Variants in HR observed in about 807,000 individuals in gnomAD.
HR encodes HR lysine demethylase and nuclear receptor corepressor.
HR carries 83 observed loss-of-function variants against 128.6 expected under a neutral mutation model. The ratio of observed to expected loss-of-function variants is 0.65; its 90% CI spans 0.54 to 0.77. The LOEUF is 0.77. Ranked by LOEUF, HR falls within the 30% of genes least tolerant of loss-of-function variation. HR has a pLI of 0.00. For missense variants in HR, 1,490 were observed against 1,574.6 expected (o/e 0.95, Z 0.91); for synonymous variants, 681 against 658.2 (o/e 1.03, Z -0.53).
At position 22,128,865 on chromosome 8, in the gene HR, G is replaced by A; in HGVS notation, c.306C>T (p.Ala102=). Residue 102 remains alanine (A), a synonymous_variant, in exon 2 of 19, where the codon GCC becomes GCT. Transcript: ENST00000381418. ...GSKEGLRWKE[A]MLTHPLAFCG... is the part of the protein sequence containing the mutation. Reference sequence around the variant, plus strand: ...AGAATGCCAGCGGATGGGTAAGCATGGCCTCCTTCCAGCGCAGTCCCTCTT... The same window carrying A: ...AGAATGCCAGCGGATGGGTAAGCATAGCCTCCTTCCAGCGCAGTCCCTCTT... 6.2e-7 allele frequency: 1 copy of A among 1,613,412 alleles called. No homozygotes were observed. The highest frequency in any genetic ancestry group is 8.5e-7 in the Non-Finnish European group (1 of 1,180,026).
chr8:22,125,000 G>T (rs1826847673), intron 5 of HR, among the ~76,000 whole-genome samples: 1 of 152,192 alleles, frequency 6.6e-6, no homozygotes, highest in Non-Finnish European at 1.5e-5. Context: ...AGCCAGAGGG[G>T]ACCTTAGCCC....
In HR at chr8:22,125,380, C is replaced by G; in HGVS notation, c.1681G>C (p.Gly561Arg). ...AGGCGGCACAGTCGGTCCCCCAAAC[C>G]ACTGAGCAGGTGCTTGGCGAGGCCT... is the stretch of plus-strand genomic sequence containing the variant. The part of the protein sequence containing the change: ...STGLAKHLLS[G>R]LGDRLCRLLR... Residue 561 changes from glycine to arginine, a missense_variant, in exon 5 of 19, where the codon GGT becomes CGT. Gly to Arg is a moderately radical substitution (Grantham distance 125). Transcript: ENST00000381418. 1 of 1,610,006 alleles carries G rather than the reference C, an allele frequency of 6.2e-7. No homozygotes were observed. Among genetic ancestry groups the G allele is most frequent in the Non-Finnish European group, 8.5e-7 (1 of 1,178,818 alleles).
chr8:22,122,179 A>G (rs1022544129), intron 8 of HR, among the ~76,000 whole-genome samples: 5 of 152,222 alleles, frequency 3.3e-5, no homozygotes, highest in Admixed American at 2.6e-4. Flanking sequence ...CTCCACCTGA[A>G]GGAACCATGG....
In HR at chr8:22,115,663, C is replaced by T. The variant is rs768903000; in HGVS notation, c.*37G>A. The T allele has an allele frequency of 2.5e-6, 4 of 1,598,386 alleles. No homozygotes were observed. In the East Asian group the frequency reaches 8.9e-5, roughly 36 times the overall value. ...GTGCCTGGGCTGAGCACCTGGTCTA[C>T]CTGTCCCCACCCCGATCCCAGACAC... On this transcript the variant is annotated 3_prime_UTR_variant, in exon 19 of 19. Transcript: ENST00000381418.
chr8:22,120,101 C>T lies in HR; in HGVS notation c.2846+3G>A, dbSNP rs774561357. On this transcript the variant is annotated splice_donor_region_variant and intron_variant, in intron 13 of 18. Coordinates refer to ENST00000381418, the MANE Select transcript of HR (RefSeq NM_005144.5). ...TAGGGCTGGCCCTTGGTGACATACA[C>T]ACCTGCTGGTGTCCTCATCCCCCAA... 35 of 1,584,110 alleles carry T rather than the reference C, an allele frequency of 2.2e-5. No homozygotes were observed. In the East Asian group the frequency reaches 7.5e-4, roughly 34 times the overall value.
Position 22,128,599 on chromosome 8 carries a change from C to A in HR, c.572G>T (p.Gly191Val). The A allele has an allele frequency of 6.2e-7, 1 of 1,608,796 alleles. No individual in the cohort carries two copies. The highest frequency in any genetic ancestry group is 8.5e-7 in the Non-Finnish European group (1 of 1,178,426). ...GAAGGCAGAGGGCACTTTGGGCTGG[C>A]CCCCGGAGTATACCCAGGGGTGCGG... Reference protein sequence around the residue: ...LTPHPWVYSGGQPKVPSAFSL... With the variant: ...LTPHPWVYSGVQPKVPSAFSL... Residue 191 changes from glycine to valine, a missense_variant, in exon 2 of 19, where the codon GGC (glycine) becomes GTC (valine). By Grantham distance (109) the Gly-to-Val change is moderately radical. Around this residue, in one of 3 missense-constraint regions of HR, gnomAD observed 1,060 missense variants for 1,060.9 expected, o/e 1.00. Transcript: ENST00000381418.
intron 6 of HR, 32 bp downstream of exon 6, chr8:22,123,617 T>TTGGGGCCCCCCCCC: frequency 3.4e-6 from 1 of 292,090 alleles, no homozygotes; most frequent in Non-Finnish European, 6.2e-6. Context: ...GAGGGCTCCA[T>TTGGGGCCCCCCCCC]CCCGCCCTCC....
At chr8:22,121,344 C>A in intron 9 of HR, 116 bp from the exon 10 acceptor site, 1 of 1,331,976 alleles carries the variant, frequency 7.5e-7, no homozygotes, top group Non-Finnish European at 1.0e-6. Flanking sequence ...TCTCCCCAGC[C>A]AGCATCCCCC....
chr8:22,125,617 T>C lies in HR; in HGVS notation c.1521A>G (p.Gly507=), dbSNP rs1586382313. Residue 507 remains glycine (G), a synonymous_variant, in exon 4 of 19, where the codon GGA becomes GGG. Transcript: ENST00000381418. ...CQSCAQAAGE[G]GGHACHSQQV... Reference sequence around the variant, plus strand: ...GCTGAGAGTGGCAGGCGTGCCCTCCTCCCTCTCCAGCTGCCTGGGCACAAC... The same window carrying C: ...GCTGAGAGTGGCAGGCGTGCCCTCCCCCCTCTCCAGCTGCCTGGGCACAAC... 6.2e-7 allele frequency: 1 copy of C among 1,607,858 alleles called. No homozygotes were observed. The highest frequency in any genetic ancestry group is 1.1e-5 in the South Asian group (1 of 89,996).
rs1398166823 is a variant in HR at position 22,119,295 on chromosome 8, T to C, written c.2978-12A>G. 3 of 1,612,970 alleles carry C rather than the reference T, an allele frequency of 1.9e-6. No homozygotes were observed. The highest frequency in any genetic ancestry group is 8.5e-7 in the Non-Finnish European group (1 of 1,179,958). ...GTGCGGGCTCACACCTGCATGGCAA[T>C]AGAGAAAGAACAGTTAGAAATGGAA... On this transcript the variant is annotated splice_polypyrimidine_tract_variant and intron_variant, in intron 14 of 18. Transcript: ENST00000381418.
At position 22,127,067 on chromosome 8, in the gene HR, C is replaced by T; in HGVS notation, c.1375G>A (p.Val459Met). Reference sequence around the variant, plus strand: ...TGCTCATCATGCTGTCCCGAGTCCACATCCTTGTTCCCTATCGATGTGTCC... The same window carrying T: ...TGCTCATCATGCTGTCCCGAGTCCATATCCTTGTTCCCTATCGATGTGTCC... Reference protein sequence around the residue: ...VRDTSIGNKDVDSGQHDEQKG... With the variant: ...VRDTSIGNKDMDSGQHDEQKG... The change falls in exon 3 of 19, where the codon GTG (valine) becomes ATG (methionine). Residue 459 changes from valine to methionine, a missense_variant. By Grantham distance (21) the Val-to-Met change is conservative. Coordinates refer to ENST00000381418, the MANE Select transcript of HR (RefSeq NM_005144.5). 2 of 1,612,400 alleles carry T rather than the reference C, an allele frequency of 1.2e-6. No individual in the cohort carries two copies. The highest frequency in any genetic ancestry group is 1.1e-5 in the South Asian group (1 of 90,982).
In HR at chr8:22,123,636, G is replaced by T; in HGVS notation, c.1915+13C>A. ...GCTCCATCCCGCCCTCCCACCCCCA[G>T]CCCCTCTCCTACCTGCTTTCTCCCT... On this transcript the variant is annotated intron_variant, in intron 6 of 18. Transcript: ENST00000381418. 2 of 68,072 alleles carry T rather than the reference G, an allele frequency of 2.9e-5. No homozygotes were observed. The highest frequency in any genetic ancestry group is 5.0e-5 in the Non-Finnish European group (2 of 40,288). 4.2% of individuals were successfully genotyped at this position (68,072 alleles called of 1,614,324 possible). A position where few individuals can be genotyped will look rare whatever the true frequency, so the allele number is the denominator to read the frequency against.
rs991154565 is a variant in HR, at chr8:22,121,087, G to A, written c.2345C>T (p.Pro782Leu). 8.7e-6 allele frequency: 14 copies of A among 1,613,626 alleles called. No individual in the cohort carries two copies. The highest frequency in any genetic ancestry group is 1.2e-5 in the Non-Finnish European group (14 of 1,180,044). ...GHERIHMAFA[P>L]VTPALPSDDR... is the part of the protein sequence containing the mutation. ...CACACTGGGCAGGGCCGGAGTGACG[G>A]GGGCGAAGGCCATGTGTATTCGCTC... Residue 782 changes from proline to leucine, a missense_variant, in exon 10 of 19, where the codon CCC (proline) becomes CTC (leucine). By Grantham distance (98) the Pro-to-Leu change is moderately conservative (BLOSUM62 -3). This residue lies in a region of HR where 1,060 missense variants were observed against 1,060.9 expected (regional missense o/e 1.00). Coordinates refer to ENST00000381418, the MANE Select transcript of HR (RefSeq NM_005144.5).
chr8:22,128,124 C>T, intron 2 of HR: 1 of 553,196 alleles, frequency 1.8e-6, no homozygotes, highest in Non-Finnish European at 3.2e-6. Context: ...TGTCCTGTGC[C>T]ATACTGAGTT....
At chr8:22,123,056 CAGACTT>C (rs1284875391) in intron 6 of HR, among the ~76,000 whole-genome samples, 177 bp from the exon 7 acceptor site, 1 of 152,202 alleles carries the variant, frequency 6.6e-6, no homozygotes, top group East Asian at 1.9e-4. Flanking sequence ...TAGAATGCTA[CAGACTT>C]TAACGTGCTG....
In HR at chr8:22,116,613, G is replaced by A. The variant is rs1826594228; in HGVS notation, c.3379-185C>T. On this transcript the variant is annotated intron_variant, in intron 17 of 18. Coordinates refer to ENST00000381418, the MANE Select transcript of HR (RefSeq NM_005144.5). This position sits in a 1 kb window ranked among gnomAD's most constrained non-coding sequence, Gnocchi z 4.2. ...GCCAAAACCGGGACTCAGAACTGCTGGAGAGACCCTAAAGTCTCCCTGCGA... is the reference window on the plus strand; with the variant it reads ...GCCAAAACCGGGACTCAGAACTGCTAGAGAGACCCTAAAGTCTCCCTGCGA... Among the ~76,000 whole-genome samples, 1 of 151,596 alleles carries A rather than the reference G, an allele frequency of 6.6e-6. No individual in the cohort carries two copies. The highest frequency in any genetic ancestry group is 6.6e-5 in the Admixed American group (1 of 15,186).
chr8:22,125,636 G>T lies in HR; in HGVS notation c.1502C>A (p.Ala501Asp). The T allele has an allele frequency of 6.2e-7, 1 of 1,611,100 alleles. No homozygotes were observed. Among genetic ancestry groups the T allele is most frequent in the African/African-American group, 1.3e-5 (1 of 75,022 alleles). The change falls in exon 4 of 19, where the codon GCC becomes GAC. Residue 501 changes from alanine (A) to aspartate (D), a missense_variant. Transcript: ENST00000381418. The stretch of plus-strand genomic sequence containing the variant: ...CCCTCCTCCCTCTCCAGCTGCCTGG[G>T]CACAACTTTGGCATTGAGCCAGTTT... ...PAKLAQCQSC[A>D]QAAGEGGGHA... is the part of the protein sequence containing the mutation.
intron 10 of HR, 46 bp downstream of exon 10, chr8:22,121,019 C>G: frequency 6.2e-7 from 1 of 1,612,850 alleles, no homozygotes; most frequent in Non-Finnish European, 8.5e-7. Context: ...GCAGGCCCAG[C>G]CTCTGGTCCC....
At chr8:22,128,151 C>G (rs1322805028) in intron 2 of HR, 1 of 520,312 alleles carries the variant, frequency 1.9e-6, no homozygotes, top group African/African-American at 1.9e-5. Context: ...GTTTTAACAT[C>G]TCATCCCTGG....
Sources: allele counts gnomAD v4.1 joint callset (sites outside exome capture counted in the v4.1 genomes callset), GRCh38; gene constraint gnomAD v4.1.1; regional missense constraint gnomAD v4.1.1; non-coding constraint Gnocchi (gnomAD v3.1); transcripts MANE v1.5; gene names NCBI Gene and HGNC (gene_info 2026-07-23, HGNC 2026-07-21).